SLC43A2: variants seen among roughly 807,000 people sequenced by gnomAD.
The protein encoded by SLC43A2 is solute carrier family 43 member 2.
Under a neutral mutation model 63.2 loss-of-function variants are expected in SLC43A2, and 38 were observed. The ratio of observed to expected loss-of-function variants is 0.60; its 90% CI spans 0.46 to 0.79. The LOEUF (loss-of-function observed/expected upper bound fraction) is 0.79, where lower values mean the gene tolerates loss of function less well. Ranked by LOEUF, SLC43A2 falls within the 30% of genes least tolerant of loss-of-function variation. The pLI is 0.00. For missense variants in SLC43A2, 644 were observed against 756.2 expected, an observed-to-expected ratio of 0.85 and a Z score of 1.74; for synonymous variants, 322 against 331.0, an observed-to-expected ratio of 0.97 and a Z score of 0.30.
intron 2 of SLC43A2, among the ~76,000 whole-genome samples, chr17:1,623,711 C>T (rs1307731563): frequency 2.1e-5 from 3 of 142,080 alleles, no homozygotes; most frequent in African/African-American, 5.3e-5. Context: ...CCAGGCTGTA[C>T]CCTCCTCTCC....
chr17:1,603,678 G>T (rs917626558), intron 5 of SLC43A2, among the ~76,000 whole-genome samples: 5 of 152,032 alleles, frequency 3.3e-5, no homozygotes, highest in Non-Finnish European at 7.4e-5. Context: ...CCAGCTACTC[G>T]GCAGGCTGAG....
intron 5 of SLC43A2, among the ~76,000 whole-genome samples, chr17:1,608,307 C>T (rs1411267659): frequency 6.6e-6 from 1 of 152,262 alleles, no homozygotes; most frequent in African/African-American, 2.4e-5. Context: ...GACTCTCTTG[C>T]CTGGTCACTC....
chr17:1,578,107 C>G lies in SLC43A2; in HGVS notation c.1424+143G>C, dbSNP rs2075960847. Reference sequence around the variant, plus strand: ...TTCCCTGAAACACCCAGCAGAAACCCTGGTACCTGTCCCCTGAAGCAGGAA... The same window carrying G: ...TTCCCTGAAACACCCAGCAGAAACCGTGGTACCTGTCCCCTGAAGCAGGAA... On this transcript the variant is annotated intron_variant, in intron 12 of 13. Coordinates refer to ENST00000301335, the MANE Select transcript of SLC43A2 (RefSeq NM_152346.3). The surrounding 1 kb of genome is among the most constrained non-coding windows in gnomAD (Gnocchi z 6.5). 1 of 776,964 alleles carries G rather than the reference C, an allele frequency of 1.3e-6. No homozygotes were observed. The highest frequency in any genetic ancestry group is 1.7e-5 in the African/African-American group (1 of 57,652). 48.1% of individuals were successfully genotyped at this position (776,964 alleles called of 1,614,324 possible). A position where few individuals can be genotyped will look rare whatever the true frequency, so the allele number is the denominator to read the frequency against.
At chr17:1,582,859 G>T (rs377514133) in intron 11 of SLC43A2, among the ~76,000 whole-genome samples, 2 of 152,136 alleles carry the variant, frequency 1.3e-5, no homozygotes, top group South Asian at 2.1e-4. Context: ...CGGGTGGATC[G>T]CCTGAGGTCA....
intron 2 of SLC43A2, 64 bp downstream of exon 2, chr17:1,627,651 C>CCG: frequency 1.5e-6 from 1 of 686,278 alleles, no homozygotes; most frequent in Non-Finnish European, 2.3e-6. Context: ...TCTTCGCCCC[C>CCG]ATCCCGCCCC....
At chr17:1,597,653 G>T (rs776179087) in intron 5 of SLC43A2, among the ~76,000 whole-genome samples, 14 of 151,946 alleles carry the variant, frequency 9.2e-5, no homozygotes, top group Admixed American at 3.3e-4. Flanking sequence ...GCAAAAATTA[G>T]CTGGGCATAA....
chr17:1,584,102 C>T (rs2076063297), intron 10 of SLC43A2, among the ~76,000 whole-genome samples: 2 of 152,034 alleles, frequency 1.3e-5, no homozygotes, highest in Non-Finnish European at 2.9e-5. Flanking sequence ...ACCATGTTAG[C>T]CAGGATGGTC....
chr17:1,617,017 T>C (rs1410066102), intron 2 of SLC43A2, among the ~76,000 whole-genome samples: 1 of 152,120 alleles, frequency 6.6e-6, no homozygotes, highest in East Asian at 1.9e-4. Context: ...AATAAAGACC[T>C]CCCCAGAAAA....
At chr17:1,592,183 C>T (rs1904881236) in intron 6 of SLC43A2, among the ~76,000 whole-genome samples, 1 of 152,224 alleles carries the variant, frequency 6.6e-6, no homozygotes, top group Admixed American at 6.5e-5. Flanking sequence ...AATCCCAGCA[C>T]TTTGGGAGGC....
intron 9 of SLC43A2, among the ~76,000 whole-genome samples, chr17:1,588,311 G>A (rs1312605838): frequency 3.9e-5 from 6 of 151,986 alleles, no homozygotes; most frequent in Admixed American, 6.6e-5. Context: ...GCTTGAACCC[G>A]AGAGGCGGAG....
chr17:1,594,623 T>C (rs1905106370), intron 5 of SLC43A2, among the ~76,000 whole-genome samples: 1 of 133,060 alleles, frequency 7.5e-6, no homozygotes, highest in African/African-American at 2.8e-5. Flanking sequence ...AGTCTCGCTC[T>C]TTCGCCCAGG....
rs377145559 is a variant in SLC43A2 at position 1,590,886 on chromosome 17, A to C, written c.994T>G (p.Cys332Gly). ...AAGATGAGCCGCAGCTGCGTGACGC[A>C]CATGGTGACCAGGCTGAGCAGCAGG... ...PILLLSLVTM[C>G]VTQLRLIFYM... is the part of the protein sequence containing the mutation. Residue 332 changes from cysteine to glycine, a missense_variant, in exon 9 of 14, where the codon TGC becomes GGC. Transcript: ENST00000301335. The C allele has an allele frequency of 4.5e-6, 7 of 1,553,028 alleles. No individual in the cohort carries two copies. Among genetic ancestry groups the C allele is most frequent in the African/African-American group, 4.1e-5 (3 of 73,346 alleles).
chr17:1,612,059 G>T (rs1907156087), intron 5 of SLC43A2, among the ~76,000 whole-genome samples: 1 of 152,118 alleles, frequency 6.6e-6, no homozygotes, highest in Non-Finnish European at 1.5e-5. Flanking sequence ...CCGCCTCCCA[G>T]GTTCCAGCAA....
intron 2 of SLC43A2, among the ~76,000 whole-genome samples, chr17:1,621,198 G>C (rs1250198821): frequency 2.6e-5 from 4 of 152,172 alleles, no homozygotes; most frequent in South Asian, 4.1e-4. Context: ...GAGAAAAGAG[G>C]GTGCTGTGGC....
rs555765311 is a variant in SLC43A2 at position 1,606,228 on chromosome 17, C to T, written c.501+6967G>A. On this transcript the variant is annotated intron_variant, in intron 5 of 13. Coordinates refer to ENST00000301335, the MANE Select transcript of SLC43A2 (RefSeq NM_152346.3). The surrounding 1 kb of genome is among the most constrained non-coding windows in gnomAD (Gnocchi z 4.7). The stretch of plus-strand genomic sequence containing the variant: ...TGGGACCCTCTCCTGGCTGCAGACG[C>T]GGGGTCTACTGAGCCACGGCACTAA... Among the ~76,000 whole-genome samples the T allele has an allele frequency of 3.9e-5, 6 of 152,278 alleles. No individual in the cohort carries two copies. The highest frequency in any genetic ancestry group is 9.6e-5 in the African/African-American group (4 of 41,568).
At chr17:1,596,112 A>C (rs539934908) in intron 5 of SLC43A2, among the ~76,000 whole-genome samples, 2 of 152,008 alleles carry the variant, frequency 1.3e-5, no homozygotes, top group African/African-American at 4.8e-5. Flanking sequence ...CGAGGTCAGC[A>C]GTTCAACACC....
At chr17:1,610,119 GT>G in intron 5 of SLC43A2, among the ~76,000 whole-genome samples, 1 of 151,898 alleles carries the variant, frequency 6.6e-6, no homozygotes, top group South Asian at 2.1e-4. Flanking sequence ...ATTTCACCAT[GT>G]TGGCCAGGCT....
intron 5 of SLC43A2, chr17:1,604,521 C>A (rs954506442): frequency 3.4e-6 from 2 of 590,906 alleles, no homozygotes; most frequent in Admixed American, 3.1e-5. Flanking sequence ...GGGGGTCCCT[C>A]ACCCCCCGGA....
chr17:1,627,888 G>GGCTC lies in SLC43A2; in HGVS notation c.-15_-14insGAGC. On this transcript the variant is annotated 5_prime_UTR_variant, in exon 2 of 14. Coordinates refer to ENST00000301335, the MANE Select transcript of SLC43A2 (RefSeq NM_152346.3). ...GGTGGGCGCCATGGTGCGGCGCGGC[G>GGCTC]CGGCTCCGGCTCCGGCTCCGGCTCT... 6.5e-7 allele frequency: 1 copy of GGCTC among 1,547,002 alleles called. No homozygotes were observed. Among genetic ancestry groups the GGCTC allele is most frequent in the South Asian group, 1.2e-5 (1 of 83,748 alleles).
Sources: allele counts gnomAD v4.1 joint callset (sites outside exome capture counted in the v4.1 genomes callset), GRCh38; gene constraint gnomAD v4.1.1; non-coding constraint Gnocchi (gnomAD v3.1); transcripts MANE v1.5; gene names NCBI Gene and HGNC (gene_info 2026-07-23, HGNC 2026-07-21).